Variants in FAM168A observed in about 807,000 individuals in gnomAD.
FAM168A encodes protein FAM168A.
Under a neutral mutation model 28.5 loss-of-function variants are expected in FAM168A, and 3 were observed. The observed-to-expected ratio is 0.11, with a 90% CI of 0.05 to 0.27. FAM168A has a LOEUF of 0.27. FAM168A is among the 10% of genes least tolerant of loss of function. FAM168A has a pLI of 1.00. For synonymous variants in FAM168A, 122 were observed against 124.2 expected, an observed-to-expected ratio of 0.98 and a Z score of 0.12; for missense variants, 222 against 311.5, an observed-to-expected ratio of 0.71 and a Z score of 2.16.
intron 2 of FAM168A, among the ~76,000 whole-genome samples, chr11:73,456,497 T>C (rs1460943570): frequency 2.0e-5 from 3 of 152,356 alleles, no homozygotes; most frequent in East Asian, 3.8e-4. Flanking sequence ...GTGATGACCA[T>C]TCTTTATTTG....
At chr11:73,545,028 A>T (rs1017707972) in intron 1 of FAM168A, among the ~76,000 whole-genome samples, 5 of 67,080 alleles carry the variant, frequency 7.5e-5, no homozygotes, top group African/African-American at 1.3e-4. Context: ...AGTATATATA[A>T]TATATATATA....
In FAM168A at chr11:73,544,917, A is replaced by T. The variant is rs1307319943; in HGVS notation, c.-19+53006T>A. 5.4e-3 allele frequency among the ~76,000 whole-genome samples: 515 copies of T among 94,626 alleles called. 7 individuals are homozygous for T. Among genetic ancestry groups the T allele is most frequent in the African/African-American group, 0.024 (486 of 20,338 alleles). The allele number at this position is 94,626 out of a possible 152,430, so 62.1% of individuals were successfully genotyped here. On this transcript the variant is annotated intron_variant, in intron 1 of 7. Coordinates refer to ENST00000356467, the MANE Select transcript of FAM168A (RefSeq NM_015159.3). The stretch of plus-strand genomic sequence containing the variant: ...TAAAATATATTATATAATATATATT[A>T]TATATAATATAAAATATATTATGTA...
intron 1 of FAM168A, among the ~76,000 whole-genome samples, chr11:73,496,370 G>A (rs77873294): frequency 5.3e-4 from 80 of 152,286 alleles, no homozygotes; most frequent in African/African-American, 7.5e-4. Flanking sequence ...AAGTAATTGC[G>A]GCTTTGACCA....
At chr11:73,473,821 T>C (rs1338756786) in intron 1 of FAM168A, among the ~76,000 whole-genome samples, 1 of 151,742 alleles carries the variant, frequency 6.6e-6, no homozygotes, top group Non-Finnish European at 1.5e-5. Flanking sequence ...TTTCTTACTT[T>C]TTTTTTTTTT....
intron 4 of FAM168A, among the ~76,000 whole-genome samples, chr11:73,413,818 C>T (rs947000550): frequency 6.6e-6 from 1 of 152,164 alleles, no homozygotes; most frequent in African/African-American, 2.4e-5. Context: ...ATAATCCCAG[C>T]ACTTTGGGAG....
chr11:73,449,148 T>G (rs1867379834), intron 2 of FAM168A, among the ~76,000 whole-genome samples: 1 of 152,048 alleles, frequency 6.6e-6, no homozygotes, highest in Non-Finnish European at 1.5e-5. Context: ...AAAATTTTTT[T>G]TTGGAGAGCC....
At chr11:73,588,562 T>C (rs1172208752) in intron 1 of FAM168A, among the ~76,000 whole-genome samples, 3 of 152,062 alleles carry the variant, frequency 2.0e-5, no homozygotes, top group African/African-American at 7.2e-5. Flanking sequence ...CACGGTGGCC[T>C]GCACCTGAAG....
chr11:73,597,438 C>T (rs1250258139), intron 1 of FAM168A, among the ~76,000 whole-genome samples: 2 of 151,932 alleles, frequency 1.3e-5, no homozygotes, highest in Admixed American at 6.6e-5. Flanking sequence ...ATTAACACTA[C>T]GCAGGGCCCT....
chr11:73,508,576 T>G (rs1261527422), intron 1 of FAM168A, among the ~76,000 whole-genome samples: 1 of 152,092 alleles, frequency 6.6e-6, no homozygotes, highest in Non-Finnish European at 1.5e-5. Context: ...TGTGTGTGTG[T>G]CCCTGAGAAT....
intron 1 of FAM168A, among the ~76,000 whole-genome samples, chr11:73,504,633 C>T (rs930061652): frequency 2.0e-5 from 3 of 152,094 alleles, no homozygotes; most frequent in Non-Finnish European, 4.4e-5. Flanking sequence ...TACCATTTGA[C>T]CCAGTAATCC....
chr11:73,423,432 C>T (rs1866831919), intron 3 of FAM168A, among the ~76,000 whole-genome samples: 1 of 152,182 alleles, frequency 6.6e-6, no homozygotes, highest in Non-Finnish European at 1.5e-5. Context: ...TTCAATGCCC[C>T]ACCATGATCA....
At chr11:73,497,476 T>G (rs1257980787) in intron 1 of FAM168A, among the ~76,000 whole-genome samples, 1 of 151,596 alleles carries the variant, frequency 6.6e-6, no homozygotes, top group Non-Finnish European at 1.5e-5. Flanking sequence ...AGACATACTG[T>G]CCAGCTGAAC....
chr11:73,431,672 G>A (rs1381908221), intron 2 of FAM168A, among the ~76,000 whole-genome samples: 2 of 152,154 alleles, frequency 1.3e-5, no homozygotes, highest in Non-Finnish European at 2.9e-5. Flanking sequence ...CGGAAGAAGT[G>A]CCCACAATCA....
At chr11:73,410,123 G>T (rs531575748) in intron 5 of FAM168A, among the ~76,000 whole-genome samples, 1 of 152,104 alleles carries the variant, frequency 6.6e-6, no homozygotes, top group African/African-American at 2.4e-5. Flanking sequence ...AAAAAAAATG[G>T]CGGCTGGACA....
At chr11:73,435,578 T>G (rs1590773106) in intron 2 of FAM168A, among the ~76,000 whole-genome samples, 2 of 152,194 alleles carry the variant, frequency 1.3e-5, no homozygotes, top group East Asian at 3.8e-4. Flanking sequence ...CTTCCCTTCT[T>G]ACTTTACTTA....
chr11:73,419,018 G>A (rs1866745039), intron 4 of FAM168A, among the ~76,000 whole-genome samples: 1 of 152,062 alleles, frequency 6.6e-6, no homozygotes. Context: ...CACCGTGTTA[G>A]CCAGGATGGT....
intron 2 of FAM168A, chr11:73,451,992 T>G (rs1867439681): frequency 6.6e-6 from 1 of 152,340 alleles, no homozygotes; most frequent in Middle Eastern, 3.4e-3. Flanking sequence ...TATTAAAACT[T>G]GGATAATACA....
intron 1 of FAM168A, among the ~76,000 whole-genome samples, chr11:73,524,580 ATG>A (rs933184911): frequency 1.3e-5 from 2 of 151,596 alleles, no homozygotes; most frequent in South Asian, 2.1e-4. Context: ...ATACATATAT[ATG>A]TGTGTGTGTA....
chr11:73,494,802 C>A (rs1399707303), intron 1 of FAM168A, among the ~76,000 whole-genome samples: 3 of 152,132 alleles, frequency 2.0e-5, no homozygotes, highest in South Asian at 4.1e-4. Context: ...GAGTTCAAGA[C>A]CAGCCTGGCC....
Sources: allele counts gnomAD v4.1 joint callset (sites outside exome capture counted in the v4.1 genomes callset), GRCh38; gene constraint gnomAD v4.1.1; transcripts MANE v1.5; gene names NCBI Gene and HGNC (gene_info 2026-07-23, HGNC 2026-07-21).